Variants in PDE1C observed in about 807,000 individuals in gnomAD.
PDE1C encodes phosphodiesterase 1C, also known as dual specificity calcium/calmodulin-dependent 3',5'-cyclic nucleotide phosphodiesterase 1C.
A neutral mutation model predicts 93.1 loss-of-function variants in PDE1C; 62 were observed. The observed-to-expected ratio is 0.67, with a 90% confidence interval of 0.54 to 0.82. PDE1C has a LOEUF of 0.82. Ranked by LOEUF, PDE1C falls within the 40% of genes least tolerant of loss-of-function variation. The pLI is 0.00. For synonymous variants in PDE1C, 325 were observed against 310.1 expected, an observed-to-expected ratio of 1.05 and a Z score of -0.50; for missense variants, 742 against 884.6, an observed-to-expected ratio of 0.84 and a Z score of 2.04.
chr7:32,343,253 A>G (rs1195743940), intron 1 of PDE1C, among the ~76,000 whole-genome samples: 1 of 152,226 alleles, frequency 6.6e-6, no homozygotes, highest in Non-Finnish European at 1.5e-5. Context: ...CTTTACATTT[A>G]AACGTCAAAT....
chr7:31,833,391 G>A (rs1790670482), intron 11 of PDE1C, among the ~76,000 whole-genome samples: 1 of 152,208 alleles, frequency 6.6e-6, no homozygotes. Context: ...TACCTGATAT[G>A]TGGAAGCGAC....
At chr7:32,290,168 G>A (rs1355888765) in intron 1 of PDE1C, among the ~76,000 whole-genome samples, 1 of 152,194 alleles carries the variant, frequency 6.6e-6, no homozygotes, top group East Asian at 1.9e-4. Flanking sequence ...CCCCAAAGCA[G>A]CTGGCACCAA....
chr7:32,190,982 G>A (rs1348759337), intron 2 of PDE1C, among the ~76,000 whole-genome samples: 5 of 152,112 alleles, frequency 3.3e-5, no homozygotes, highest in African/African-American at 1.2e-4. Context: ...GCAAAGGCAT[G>A]GAGAAGTGAA....
intron 2 of PDE1C, among the ~76,000 whole-genome samples, chr7:31,899,132 C>T (rs1799658107): frequency 1.2e-5 from 1 of 85,018 alleles, no homozygotes; most frequent in Admixed American, 1.6e-4. Flanking sequence ...GGCAGTCCCA[C>T]TTTTTTTTTT....
At chr7:32,235,040 A>G (rs1807972728) in intron 1 of PDE1C, among the ~76,000 whole-genome samples, 3 of 152,078 alleles carry the variant, frequency 2.0e-5, no homozygotes, top group South Asian at 4.1e-4. Context: ...AAGGCTTTTG[A>G]CAAAATTAAA....
intron 3 of PDE1C, among the ~76,000 whole-genome samples, chr7:32,128,902 AACAAATATATAT>A (rs1384152755): frequency 8.9e-5 from 8 of 89,992 alleles, no homozygotes; most frequent in African/African-American, 2.6e-4. Flanking sequence ...CTTAAAGTAT[AACAAATATATAT>A]ATATATATAT....
intron 2 of PDE1C, among the ~76,000 whole-genome samples, chr7:32,048,513 A>AG (rs1337533185): frequency 2.0e-5 from 3 of 151,964 alleles, no homozygotes; most frequent in Admixed American, 2.0e-4. Context: ...AGGGAGAGAG[A>AG]GAAAAAAAAT....
the PDE1C span, among the ~76,000 whole-genome samples, chr7:31,742,182 C>T: frequency 6.6e-6 from 1 of 152,176 alleles, no homozygotes; most frequent in African/African-American, 2.4e-5. Context: ...CTGCACATTC[C>T]AGTAAGAAAA....
chr7:31,694,396 A>G, the PDE1C span, among the ~76,000 whole-genome samples: 1 of 151,756 alleles, frequency 6.6e-6, no homozygotes, highest in Non-Finnish European at 1.5e-5. Flanking sequence ...AAACACACAC[A>G]CACACACACA....
At chr7:31,945,164 A>G (rs1307262326) in intron 2 of PDE1C, among the ~76,000 whole-genome samples, 1 of 152,212 alleles carries the variant, frequency 6.6e-6, no homozygotes, top group East Asian at 1.9e-4. Flanking sequence ...TATTCCCAAT[A>G]AGCTGCTCTC....
intron 2 of PDE1C, among the ~76,000 whole-genome samples, chr7:32,035,110 C>T (rs1467059688): frequency 1.3e-5 from 2 of 152,108 alleles, no homozygotes; most frequent in African/African-American, 4.8e-5. Context: ...TCAAAAGCCA[C>T]CGAAATCCAA....
At chr7:32,057,963 T>C (rs1193539495) in intron 1 of PDE1C, among the ~76,000 whole-genome samples, 1 of 152,204 alleles carries the variant, frequency 6.6e-6, no homozygotes, top group Non-Finnish European at 1.5e-5. Context: ...AGTGAGTATC[T>C]TTGAACAACA....
At chr7:31,948,702 TG>T (rs1584133984) in intron 2 of PDE1C, among the ~76,000 whole-genome samples, 1 of 152,152 alleles carries the variant, frequency 6.6e-6, no homozygotes, top group Non-Finnish European at 1.5e-5. Flanking sequence ...TTTTTGGTGT[TG>T]GTTTTGGGTG....
In PDE1C at chr7:32,420,115, A is replaced by ATACACACACATATATATGTGTATATATG. The variant is rs1785367590; in HGVS notation, c.310+7706_310+7707insCATATATACACATATATATGTGTGTGTA. Among the ~76,000 whole-genome samples the ATACACACACATATATATGTGTATATATG allele has an allele frequency of 1.1e-4, 3 of 28,130 alleles. 1 individual carries two copies. The highest frequency in any genetic ancestry group is 3.3e-4 in the African/African-American group (3 of 9,184). 18.5% of individuals were successfully genotyped at this position (28,130 alleles called of 152,430 possible). ...GGCATATATATATATATATATATATATATATATATACACACACACACACAC... is the reference window on the plus strand; with the variant it reads ...GGCATATATATATATATATATATATATACACACACATATATATGTGTATATATGTATATATATACACACACACACACAC... On this transcript the variant is annotated intron_variant, in intron 1 of 1. Transcript: ENST00000672256.
Position 32,230,378 on chromosome 7 carries a change from C to T in PDE1C, c.86-20839G>A, listed in dbSNP as rs146565945. The stretch of plus-strand genomic sequence containing the variant: ...AATGCTTCTGTCTGAGAAGAATGCC[C>T]GTTCAGCCCCTACTCCTACTGGGCT... On this transcript the variant is annotated intron_variant, in intron 1 of 18. Coordinates refer to the PDE1C transcript ENST00000396193. Among the ~76,000 whole-genome samples the T allele has an allele frequency of 3.7e-3, 563 of 152,246 alleles. 6 individuals carry two copies. Among genetic ancestry groups the T allele is most frequent in the South Asian group, 0.022 (106 of 4,822 alleles).
At chr7:32,209,610 C>T in intron 1 of PDE1C, 1 of 1,249,444 alleles carries the variant, frequency 8.0e-7, no homozygotes. Flanking sequence ...CCCAATACAG[C>T]CAATCCCCTG....
At chr7:32,199,077 C>T (rs1266450350) in intron 2 of PDE1C, among the ~76,000 whole-genome samples, 1 of 151,808 alleles carries the variant, frequency 6.6e-6, no homozygotes, top group African/African-American at 2.4e-5. Flanking sequence ...GAACCAAGAT[C>T]GCTCCACTGC....
chr7:32,343,561 A>G (rs1399252458), intron 1 of PDE1C, among the ~76,000 whole-genome samples: 1 of 152,220 alleles, frequency 6.6e-6, no homozygotes, highest in East Asian at 1.9e-4. Context: ...TTGAATCAAC[A>G]TCCATATTAC....
chr7:32,121,597 G>T (rs1799305013), intron 3 of PDE1C, among the ~76,000 whole-genome samples: 1 of 152,076 alleles, frequency 6.6e-6, no homozygotes, highest in African/African-American at 2.4e-5. Flanking sequence ...CTTAAAAGAA[G>T]AAATTTCAAC....
Sources: gnomAD v4.1 joint callset for allele counts (sites outside exome capture counted in the v4.1 genomes callset) on GRCh38, gnomAD v4.1.1 for gene constraint, MANE v1.5 for transcripts, NCBI Gene and HGNC (gene_info 2026-07-23, HGNC 2026-07-21) for gene names.